Variants in RUFY2 observed in about 807,000 individuals in gnomAD.
RUFY2 encodes the protein RUN and FYVE domain-containing protein 2.
A neutral mutation model predicts 94.4 loss-of-function variants in RUFY2; 49 were observed. The ratio of observed to expected loss-of-function variants is 0.52; its 90% confidence interval spans 0.41 to 0.66. The LOEUF (loss-of-function observed/expected upper bound fraction) is 0.66. Among genes scored for constraint, RUFY2 ranks in the 30% least tolerant of loss-of-function variants. RUFY2 has a pLI of 0.00. For missense variants in RUFY2, 541 were observed against 692.8 expected, an observed-to-expected ratio of 0.78 and a Z score of 2.46; for synonymous variants, 255 against 235.7, an observed-to-expected ratio of 1.08 and a Z score of -0.75.
intron 11 of RUFY2, among the ~76,000 whole-genome samples, chr10:68,380,047 A>C (rs567431173): frequency 4.0e-5 from 6 of 151,286 alleles, no homozygotes; most frequent in Non-Finnish European, 2.9e-5. Flanking sequence ...TGACCTTGTG[A>C]TCTGCCCGCC....
At position 68,345,673 on chromosome 10, in the gene RUFY2, A is replaced by C; in HGVS notation, c.*95T>G. On this transcript the variant is annotated 3_prime_UTR_variant, in exon 18 of 18. Transcript: ENST00000602465. ...TAAACTGGTACCAAATACTGACCGAAAGCCGCTTAAGGAGAGCTGTCTGGT... is the reference window on the plus strand; with the variant it reads ...TAAACTGGTACCAAATACTGACCGACAGCCGCTTAAGGAGAGCTGTCTGGT... 1 of 1,144,350 alleles carries C rather than the reference A, an allele frequency of 8.7e-7. No homozygotes were observed. The highest frequency in any genetic ancestry group is 1.3e-6 in the Non-Finnish European group (1 of 799,748). The allele number at this position is 1,144,350 out of a possible 1,614,324, so 70.9% of individuals were successfully genotyped here.
chr10:68,349,716 T>G (rs1482684739), intron 16 of RUFY2, among the ~76,000 whole-genome samples: 2 of 151,870 alleles, frequency 1.3e-5, no homozygotes, highest in African/African-American at 2.4e-5. Flanking sequence ...TTTTTTGTAT[T>G]TTTAGTAGAG....
intron 16 of RUFY2, among the ~76,000 whole-genome samples, chr10:68,354,310 G>A (rs919574513): frequency 6.6e-6 from 1 of 151,996 alleles, no homozygotes; most frequent in Non-Finnish European, 1.5e-5. Context: ...CCAAGTAGCT[G>A]AGACTATAGA....
At position 68,363,863 on chromosome 10, in the gene RUFY2, C is replaced by T. The variant is rs185305329; in HGVS notation, c.1455+121G>A. On this transcript the variant is annotated intron_variant, in intron 14 of 17. Transcript: ENST00000602465. The stretch of plus-strand genomic sequence containing the variant: ...ATTTTCCATTTACTTAATCTCTTTA[C>T]TGATATTTTTTAAGATGACTAGTAT... The T allele has an allele frequency of 1.0e-5, 9 of 874,596 alleles. No individual in the cohort carries two copies. The East Asian group carries it at 2.2e-4, about 21-fold the overall frequency. 54.2% of individuals were successfully genotyped at this position (874,596 alleles called of 1,614,324 possible).
At chr10:68,381,481 A>C (rs2132784708) in intron 10 of RUFY2, 82 bp from the exon 11 acceptor site, 1 of 1,317,284 alleles carries the variant, frequency 7.6e-7, no homozygotes, top group East Asian at 2.3e-5. Flanking sequence ...TTTTCCATTC[A>C]ATATGCAGAC....
intron 11 of RUFY2, among the ~76,000 whole-genome samples, chr10:68,380,076 G>A (rs2048940902): frequency 6.6e-6 from 1 of 151,612 alleles, no homozygotes; most frequent in South Asian, 2.1e-4. Context: ...CCAAAGTGCT[G>A]GGATTACAGG....
chr10:68,346,270 G>C (rs990824666), intron 16 of RUFY2, 186 bp from the exon 17 acceptor site: 1 of 551,432 alleles, frequency 1.8e-6, no homozygotes, highest in African/African-American at 1.9e-5. Flanking sequence ...CTGGGTTGGG[G>C]AGGTGGGATG....
At chr10:68,391,628 T>C (rs2049990519) in intron 7 of RUFY2, among the ~76,000 whole-genome samples, 1 of 119,480 alleles carries the variant, frequency 8.4e-6, no homozygotes, top group African/African-American at 3.4e-5. Context: ...CCCTCCAGCC[T>C]GGGCAACAGA....
intron 12 of RUFY2, chr10:68,379,039 A>G: frequency 3.7e-6 from 1 of 273,442 alleles, no homozygotes; most frequent in Non-Finnish European, 6.8e-6. Flanking sequence ...TTGATTTCAG[A>G]TAAACAGATG....
chr10:68,404,736 G>C lies in RUFY2; in HGVS notation c.113C>G (p.Ser38Cys), dbSNP rs762404251. ...SALSFGRTLD[S>C]DYPPLQQFFV... Reference sequence around the variant, plus strand: ...GAATTGCTGCAAGGGGGGATAGTCAGAATCCAAAGTGCGGCCAAAGCTCAG... The same window carrying C: ...GAATTGCTGCAAGGGGGGATAGTCACAATCCAAAGTGCGGCCAAAGCTCAG... Residue 38 changes from serine to cysteine, a missense_variant, in exon 2 of 18, where the codon TCT becomes TGT. Physicochemically the swap from Ser to Cys is moderately radical, Grantham distance 112. Transcript: ENST00000602465. 14 of 1,613,212 alleles carry C rather than the reference G, an allele frequency of 8.7e-6. No individual in the cohort carries two copies. The highest frequency in any genetic ancestry group is 1.2e-5 in the Non-Finnish European group (14 of 1,179,714).
chr10:68,376,641 AGAGTT>A (rs2048699979), intron 13 of RUFY2, among the ~76,000 whole-genome samples: 1 of 151,032 alleles, frequency 6.6e-6, no homozygotes, highest in Non-Finnish European at 1.5e-5. Context: ...ACAGCAAAAC[AGAGTT>A]GAAAGTACTC....
At chr10:68,398,529 G>A (rs1047013625) in intron 3 of RUFY2, among the ~76,000 whole-genome samples, 2 of 152,086 alleles carry the variant, frequency 1.3e-5, no homozygotes, top group Non-Finnish European at 2.9e-5. Flanking sequence ...GCATGAGCCC[G>A]TAATCCCAGC....
At chr10:68,380,369 C>T (rs1275196963) in intron 11 of RUFY2, among the ~76,000 whole-genome samples, 3 of 148,766 alleles carry the variant, frequency 2.0e-5, no homozygotes, top group Non-Finnish European at 3.0e-5. Flanking sequence ...ATAGTGAGAC[C>T]TCATCTCTAC....
chr10:68,345,900 T>C lies in RUFY2; in HGVS notation c.1689A>G (p.Arg563=). 6.2e-7 allele frequency: 1 copy of C among 1,614,088 alleles called. No individual in the cohort carries two copies. Among genetic ancestry groups the C allele is most frequent in the Non-Finnish European group, 8.5e-7 (1 of 1,180,018 alleles). The part of the protein sequence containing the change: ...FSLSKRKHHC[R]NCGEIFCNAC... ...CATTACAGAAAATTTCCCCACAATT[T>C]CTACAGTGGTGCTATTAAACAGAAA... The change falls in exon 18 of 18, where the codon AGA becomes AGG. Residue 563 remains arginine (R), a synonymous_variant. Transcript: ENST00000602465.
chr10:68,399,452 C>A (rs1250090720), intron 3 of RUFY2, among the ~76,000 whole-genome samples: 1 of 152,140 alleles, frequency 6.6e-6, no homozygotes, highest in African/African-American at 2.4e-5. Flanking sequence ...TAATAATAAC[C>A]TCTACCTGTA....
chr10:68,394,413 T>A lies in RUFY2; in HGVS notation c.437A>T (p.Glu146Val), dbSNP rs1254404892. ...CAGCAGCCCAACAATTACTGCTCCT[T>A]CTTCTTCCATCATTAGTGCGTGATA... ...YEYHALMMEE[E>V]GAVIVGLLVG... Residue 146 changes from glutamate to valine, a missense_variant, in exon 5 of 18, where the codon GAA becomes GTA. Transcript: ENST00000602465. The A allele has an allele frequency of 6.2e-7, 1 of 1,613,676 alleles. No individual in the cohort carries two copies. The highest frequency in any genetic ancestry group is 1.1e-5 in the South Asian group (1 of 91,060).
chr10:68,360,635 C>A (rs1470144936), intron 15 of RUFY2, among the ~76,000 whole-genome samples: 1 of 152,042 alleles, frequency 6.6e-6, no homozygotes, highest in African/African-American at 2.4e-5. Flanking sequence ...GTAGTCCCAG[C>A]TACTCAGGAG....
chr10:68,371,590 C>CAA (rs574725100), intron 13 of RUFY2, among the ~76,000 whole-genome samples: 2 of 107,800 alleles, frequency 1.9e-5, no homozygotes, highest in African/African-American at 3.6e-5. Context: ...GACTCCGCCT[C>CAA]AAAAAAAAAA....
At chr10:68,378,676 T>A in intron 12 of RUFY2, 1 of 1,602,624 alleles carries the variant, frequency 6.2e-7, no homozygotes. Context: ...TGTCACTTCA[T>A]AATGGAATGG....
Sources: allele counts gnomAD v4.1 joint callset (sites outside exome capture counted in the v4.1 genomes callset), GRCh38; gene constraint gnomAD v4.1.1; transcripts MANE v1.5; gene names NCBI Gene and HGNC (gene_info 2026-07-23, HGNC 2026-07-21).